The following COL26A1 variants were observed in gnomAD, a reference collection of about 807,000 sequenced individuals.
COL26A1 encodes the protein collagen type XXVI alpha 1 chain.
COL26A1 carries 41 observed loss-of-function variants against 59.3 expected under a neutral mutation model. That is an observed-to-expected ratio of 0.69 (90% CI 0.54 to 0.90). The LOEUF is 0.90. Among genes scored for constraint, COL26A1 ranks in the 40% least tolerant of loss-of-function variants. The probability of loss-of-function intolerance (pLI) is 0.00; values close to 1 mark genes in which losing one functional copy is unlikely to be tolerated. For synonymous variants in COL26A1, 266 were observed against 256.0 expected (o/e 1.04, Z -0.37); for missense variants, 612 against 602.3 (o/e 1.02, Z -0.17).
chr7:101,489,680 CCTTT>C (rs1415814209), intron 3 of COL26A1, among the ~76,000 whole-genome samples: 12 of 21,358 alleles, frequency 5.6e-4, no homozygotes, highest in Middle Eastern at 0.029. Context: ...TTCCTTCCTT[CCTTT>C]CTTTCTTTCT....
chr7:101,545,243 C>G, intron 6 of COL26A1, 95 bp from the exon 7 acceptor site: 1 of 1,211,050 alleles, frequency 8.3e-7, no homozygotes, highest in African/African-American at 1.5e-5. Flanking sequence ...CCTGACCAAC[C>G]CTGTTTCTTT....
intron 1 of COL26A1, 24 bp from the exon 2 acceptor site, chr7:101,419,953 A>G: frequency 1.9e-6 from 3 of 1,611,936 alleles, no homozygotes; most frequent in Non-Finnish European, 2.5e-6. Context: ...GGCAGGGCTC[A>G]TGTGACTGTT....
chr7:101,549,080 C>T (rs1487114612), intron 8 of COL26A1, 91 bp from the exon 9 acceptor site: 7 of 642,090 alleles, frequency 1.1e-5, no homozygotes, highest in Non-Finnish European at 1.9e-5. Flanking sequence ...CTTTACTTCC[C>T]ATGGAGACAG....
At chr7:101,442,967 G>C (rs528167336) in intron 2 of COL26A1, among the ~76,000 whole-genome samples, 1 of 152,188 alleles carries the variant, frequency 6.6e-6, no homozygotes, top group African/African-American at 2.4e-5. Flanking sequence ...GTGTTAGTTT[G>C]TGAGAGCTTG....
At chr7:101,405,205 G>A (rs957802607) in intron 1 of COL26A1, among the ~76,000 whole-genome samples, 2 of 151,814 alleles carry the variant, frequency 1.3e-5, no homozygotes, top group African/African-American at 2.4e-5. Context: ...CCTGGGTGAC[G>A]GAACAGAGCG....
At chr7:101,422,788 C>T (rs1450564727) in intron 2 of COL26A1, among the ~76,000 whole-genome samples, 3 of 152,036 alleles carry the variant, frequency 2.0e-5, no homozygotes, top group Admixed American at 6.6e-5. Flanking sequence ...TACAGGCATG[C>T]ATCACCGTGC....
rs116083644 is a variant in COL26A1, at chr7:101,466,738, C to A, written c.385+18951C>A. On this transcript the variant is annotated intron_variant, in intron 3 of 12. Coordinates refer to ENST00000313669, the MANE Select transcript of COL26A1 (RefSeq NM_001278563.3). ...GACTGACTGATTTTTGTATTTTCCC[C>A]TTCAGGATATAGATGCTTAGGACTG... is the stretch of plus-strand genomic sequence containing the variant. 1.7e-3 allele frequency among the ~76,000 whole-genome samples: 256 copies of A among 151,242 alleles called. 1 individual carries two copies. The highest frequency in any genetic ancestry group is 6.0e-3 in the African/African-American group (248 of 41,184).
intron 3 of COL26A1, among the ~76,000 whole-genome samples, chr7:101,463,869 T>TTTTCTTTTTCTTTC (rs1554416085): frequency 1.1e-5 from 1 of 91,692 alleles, no homozygotes; most frequent in East Asian, 3.0e-4. Context: ...CTCTTTTTTC[T>TTTTCTTTTTCTTTC]TTTCTTTCTT....
rs1790927718 is a variant in COL26A1 at position 101,362,930 on chromosome 7, T to C, written c.-103T>C. On this transcript the variant is annotated 5_prime_UTR_variant, in exon 1 of 13. Coordinates refer to ENST00000313669, the MANE Select transcript of COL26A1 (RefSeq NM_001278563.3). ...GCTCCGACCGCTCGCCCCGCTCCTCTCGCTGTGCTCCCGGCCGGTGCCGCG... is the reference window on the plus strand; with the variant it reads ...GCTCCGACCGCTCGCCCCGCTCCTCCCGCTGTGCTCCCGGCCGGTGCCGCG... 1 of 1,247,964 alleles carries C rather than the reference T, an allele frequency of 8.0e-7. No homozygotes were observed. Among genetic ancestry groups the C allele is most frequent in the Admixed American group, 3.0e-5 (1 of 33,508 alleles). 77.3% of individuals were successfully genotyped at this position (1,247,964 alleles called of 1,614,324 possible).
chr7:101,441,488 G>A (rs1327515264), intron 2 of COL26A1, among the ~76,000 whole-genome samples: 1 of 151,932 alleles, frequency 6.6e-6, no homozygotes, highest in African/African-American at 2.4e-5. Flanking sequence ...TTTTTTGTGT[G>A]TGTGTTTTTA....
At chr7:101,439,636 C>T (rs1487806359) in intron 2 of COL26A1, among the ~76,000 whole-genome samples, 3 of 149,848 alleles carry the variant, frequency 2.0e-5, no homozygotes, top group Admixed American at 6.7e-5. Flanking sequence ...AAGTCACCTG[C>T]GAGGCCAGGG....
chr7:101,419,887 GGGCCCCTCCCTGTCCAGCAC>G, intron 1 of COL26A1, 70 bp from the exon 2 acceptor site: 1 of 1,476,188 alleles, frequency 6.8e-7, no homozygotes, highest in Non-Finnish European at 9.2e-7. Context: ...AGGTTTGCGG[GGGCCCCTCCCTGTCCAGCAC>G]GGCCCCCTGA....
At position 101,369,127 on chromosome 7, in the gene COL26A1, G is replaced by C. The variant is rs893713351; in HGVS notation, c.158+5937G>C. On this transcript the variant is annotated intron_variant, in intron 1 of 12. Coordinates refer to ENST00000313669, the MANE Select transcript of COL26A1 (RefSeq NM_001278563.3). Reference sequence around the variant, plus strand: ...TGGCTCTATCAAAAAGCAAAGATGGGGGGGCATGATGACTCACGCCTGTCA... The same window carrying C: ...TGGCTCTATCAAAAAGCAAAGATGGCGGGGCATGATGACTCACGCCTGTCA... 4.9e-4 allele frequency among the ~76,000 whole-genome samples: 74 copies of C among 151,932 alleles called. 1 individual carries two copies. The highest frequency in any genetic ancestry group is 1.2e-3 in the South Asian group (6 of 4,816).
intron 9 of COL26A1, 49 bp downstream of exon 9, chr7:101,549,272 G>T (rs754949977): frequency 1.4e-6 from 2 of 1,386,254 alleles, no homozygotes; most frequent in Non-Finnish European, 2.0e-6. Context: ...GCGGGTGGCG[G>T]GTGGCCTTGT....
intron 1 of COL26A1, among the ~76,000 whole-genome samples, chr7:101,400,351 CTATTTTTTTTTTT>C (rs1482717552): frequency 1.6e-5 from 2 of 123,352 alleles, no homozygotes; most frequent in Admixed American, 1.8e-4. Context: ...CTTTTTTTTC[CTATTTTTTTTTTT>C]TTTTTTTTTT....
chr7:101,444,129 C>T (rs957647412), intron 2 of COL26A1, among the ~76,000 whole-genome samples: 8 of 152,048 alleles, frequency 5.3e-5, no homozygotes, highest in African/African-American at 1.7e-4. Context: ...CCTCCTGCCT[C>T]GGCCTCCCAA....
At chr7:101,424,888 T>C (rs1406884994) in intron 2 of COL26A1, among the ~76,000 whole-genome samples, 1 of 152,062 alleles carries the variant, frequency 6.6e-6, no homozygotes. Context: ...CCTGCCCCGC[T>C]CTAGCTCCTT....
chr7:101,517,574 C>T (rs13239622), intron 3 of COL26A1, among the ~76,000 whole-genome samples: 48,978 of 151,894 alleles, frequency 0.32, 8,172 homozygotes, highest in Middle Eastern at 0.37. Context: ...ATCACGAGAA[C>T]GGCATGAGAA....
At chr7:101,486,769 CTT>C (rs1794278427) in intron 3 of COL26A1, among the ~76,000 whole-genome samples, 2 of 152,178 alleles carry the variant, frequency 1.3e-5, no homozygotes, top group South Asian at 4.1e-4. Context: ...TCCAGGATGT[CTT>C]TTATTTTGCT....
Sources: gnomAD v4.1 joint callset for allele counts (sites outside exome capture counted in the v4.1 genomes callset) on GRCh38, gnomAD v4.1.1 for gene constraint, MANE v1.5 for transcripts, NCBI Gene and HGNC (gene_info 2026-07-23, HGNC 2026-07-21) for gene names.